The following CNTN5 variants were observed in gnomAD, a reference collection of about 807,000 sequenced individuals.
CNTN5 encodes contactin 5.
Under a neutral mutation model 129.1 loss-of-function variants are expected in CNTN5, and 77 were observed. The ratio of observed to expected loss-of-function variants is 0.60; its 90% confidence interval spans 0.50 to 0.72. The LOEUF (loss-of-function observed/expected upper bound fraction) is 0.72, where lower values mean the gene tolerates loss of function less well. Ranked by LOEUF, CNTN5 falls within the 30% of genes least tolerant of loss-of-function variation. The pLI is 0.00. For synonymous variants in CNTN5, 509 were observed against 465.6 expected (o/e 1.09, Z -1.20); for missense variants, 1,478 against 1,328.8 (o/e 1.11, Z -1.75).
rs140488970 is a variant in CNTN5, at chr11:99,262,592, C to A, written c.-209-62754C>A. On this transcript the variant is annotated intron_variant, in intron 1 of 24. Coordinates refer to ENST00000524871, the MANE Select transcript of CNTN5 (RefSeq NM_014361.4). ...AACATGTATTGCTTATCATAGACTT[C>A]TTTGTTTCTTTTTTTTTTTCTCTCT... Among the ~76,000 whole-genome samples the A allele has an allele frequency of 2.4e-3, 343 of 145,048 alleles. 3 individuals carry two copies. Among genetic ancestry groups the A allele is most frequent in the African/African-American group, 8.7e-3 (327 of 37,730 alleles).
chr11:99,068,349 C>A (rs529689677), intron 1 of CNTN5, among the ~76,000 whole-genome samples: 1 of 152,032 alleles, frequency 6.6e-6, no homozygotes, highest in South Asian at 2.1e-4. Context: ...GTATTTAATT[C>A]CTCCCTGTGA....
chr11:99,206,616 A>G (rs969346695), intron 1 of CNTN5, among the ~76,000 whole-genome samples: 1 of 148,172 alleles, frequency 6.7e-6, no homozygotes, highest in Non-Finnish European at 1.5e-5. Flanking sequence ...GTTCTTACCC[A>G]CTTACTACTA....
chr11:99,539,825 C>G (rs1235766078), intron 2 of CNTN5, among the ~76,000 whole-genome samples: 1 of 152,012 alleles, frequency 6.6e-6, no homozygotes, highest in Admixed American at 6.6e-5. Context: ...AATCCTTGTA[C>G]CATATATGTA....
chr11:99,681,521 T>G (rs1953552314), intron 3 of CNTN5, among the ~76,000 whole-genome samples: 1 of 152,096 alleles, frequency 6.6e-6, no homozygotes, highest in Non-Finnish European at 1.5e-5. Flanking sequence ...GATGATAGCA[T>G]TTTTTAACAA....
chr11:99,934,933 TATATATATATATATAC>T (rs1314201746), intron 7 of CNTN5, among the ~76,000 whole-genome samples: 4,052 of 68,498 alleles, frequency 0.059, 147 homozygotes, highest in African/African-American at 0.073. Context: ...TATATATATA[TATATATATATATATAC>T]ACACACATAT....
intron 18 of CNTN5, among the ~76,000 whole-genome samples, chr11:100,276,614 G>A (rs567742768): frequency 1.3e-5 from 2 of 149,280 alleles, no homozygotes; most frequent in African/African-American, 2.5e-5. Context: ...CAATTTCTTA[G>A]TATTAGGATG....
intron 8 of CNTN5, among the ~76,000 whole-genome samples, chr11:99,976,708 G>A (rs1937996933): frequency 6.6e-6 from 1 of 152,200 alleles, no homozygotes; most frequent in East Asian, 1.9e-4. Flanking sequence ...GCTGCACAGT[G>A]CAACTGGCCA....
intron 1 of CNTN5, among the ~76,000 whole-genome samples, chr11:99,136,738 G>A (rs145117367): frequency 3.3e-5 from 5 of 151,638 alleles, no homozygotes; most frequent in East Asian, 2.0e-4. Context: ...TGCAATTGTC[G>A]CAGACTACAC....
At chr11:99,904,465 A>C (rs538946843) in intron 6 of CNTN5, among the ~76,000 whole-genome samples, 1 of 152,164 alleles carries the variant, frequency 6.6e-6, no homozygotes, top group South Asian at 2.1e-4. Flanking sequence ...TGCAAAGGAC[A>C]TGAACTCATC....
At chr11:99,910,791 A>G (rs182492589) in intron 6 of CNTN5, among the ~76,000 whole-genome samples, 1 of 151,808 alleles carries the variant, frequency 6.6e-6, no homozygotes, top group East Asian at 1.9e-4. Flanking sequence ...CTAAACATTT[A>G]GAAGGTCAAA....
chr11:99,232,015 A>T (rs1210805603), intron 1 of CNTN5, among the ~76,000 whole-genome samples: 2 of 151,986 alleles, frequency 1.3e-5, no homozygotes, highest in Non-Finnish European at 2.9e-5. Context: ...TAGGTGTCTG[A>T]CTTTGTACCA....
intron 3 of CNTN5, among the ~76,000 whole-genome samples, chr11:99,802,848 C>T (rs1214774665): frequency 6.6e-6 from 1 of 152,064 alleles, no homozygotes; most frequent in Non-Finnish European, 1.5e-5. Context: ...TGGAAATATG[C>T]CTGAATGTGG....
chr11:100,018,663 G>A (rs542937402), intron 9 of CNTN5, among the ~76,000 whole-genome samples: 14 of 152,032 alleles, frequency 9.2e-5, no homozygotes, highest in Non-Finnish European at 1.8e-4. Flanking sequence ...CATAAGCATT[G>A]AAAGTTTTTC....
At chr11:99,936,795 G>A (rs1250081210) in intron 7 of CNTN5, among the ~76,000 whole-genome samples, 6 of 152,148 alleles carry the variant, frequency 3.9e-5, no homozygotes. Context: ...AGTCTTTTGT[G>A]TTAAATGTAG....
intron 2 of CNTN5, among the ~76,000 whole-genome samples, chr11:99,460,912 C>G (rs1033836993): frequency 6.6e-6 from 1 of 151,820 alleles, no homozygotes; most frequent in Non-Finnish European, 1.5e-5. Context: ...TTTAAAATGC[C>G]CATATGAAGA....
At chr11:99,073,604 G>A (rs987451883) in intron 1 of CNTN5, among the ~76,000 whole-genome samples, 1 of 151,724 alleles carries the variant, frequency 6.6e-6, no homozygotes, top group Non-Finnish European at 1.5e-5. Context: ...CTGTGTCCAT[G>A]TGTTCTCACT....
chr11:99,489,479 T>C (rs1329639795), intron 2 of CNTN5, among the ~76,000 whole-genome samples: 2 of 152,198 alleles, frequency 1.3e-5, no homozygotes, highest in African/African-American at 4.8e-5. Flanking sequence ...CATATATATA[T>C]TTTAACTTCT....
Position 99,497,904 on chromosome 11 carries a change from G to C in CNTN5, c.-70-58241G>C, listed in dbSNP as rs1026859245. Among the ~76,000 whole-genome samples the C allele has an allele frequency of 7.9e-5, 12 of 152,140 alleles. 1 individual carries two copies. The highest frequency in any genetic ancestry group is 6.6e-4 in the Admixed American group (10 of 15,264). ...CCTAGGAAATTAAGTCTCCAGGTGA[G>C]ACTTGTTTAGGGTAAATTCCAAAGT... On this transcript the variant is annotated intron_variant, in intron 2 of 24. Coordinates refer to ENST00000524871, the MANE Select transcript of CNTN5 (RefSeq NM_014361.4).
intron 8 of CNTN5, among the ~76,000 whole-genome samples, chr11:99,996,684 A>G (rs1296959189): frequency 3.3e-5 from 5 of 152,186 alleles, no homozygotes. Flanking sequence ...GTAACTTATA[A>G]AGAAAACAGA....
Sources: gnomAD v4.1 joint callset for allele counts (sites outside exome capture counted in the v4.1 genomes callset) on GRCh38, gnomAD v4.1.1 for gene constraint, MANE v1.5 for transcripts, NCBI Gene and HGNC (gene_info 2026-07-23, HGNC 2026-07-21) for gene names.